JAZF1: variants seen among roughly 807,000 people sequenced by gnomAD.
JAZF1 encodes juxtaposed with another zinc finger protein 1.
JAZF1 carries 8 observed loss-of-function variants against 26.4 expected under a neutral mutation model. The observed-to-expected ratio is 0.30, with a 90% CI of 0.18 to 0.55. The LOEUF (loss-of-function observed/expected upper bound fraction) is 0.55, where lower values mean the gene tolerates loss of function less well. Among genes scored for constraint, JAZF1 ranks in the 20% least tolerant of loss-of-function variants. JAZF1 has a pLI of 0.94. For missense variants in JAZF1, 199 were observed against 322.0 expected, an observed-to-expected ratio of 0.62 and a Z score of 2.92; for synonymous variants, 126 against 122.3, an observed-to-expected ratio of 1.03 and a Z score of -0.20.
intron 1 of JAZF1, among the ~76,000 whole-genome samples, chr7:28,148,360 C>A (rs945943178): frequency 3.3e-5 from 5 of 152,096 alleles, no homozygotes; most frequent in Admixed American, 6.6e-5. Context: ...CGTGAGCCAC[C>A]GCGCCTGGCC....
chr7:28,049,072 CCTCTCT>C (rs1182638919), intron 1 of JAZF1, among the ~76,000 whole-genome samples: 215 of 113,602 alleles, frequency 1.9e-3, no homozygotes, highest in Middle Eastern at 0.015. Flanking sequence ...TCCCTCCCTT[CCTCTCT>C]CTCTCTCTCT....
chr7:27,864,958 C>T (rs1783449880), intron 3 of JAZF1, among the ~76,000 whole-genome samples: 1 of 152,112 alleles, frequency 6.6e-6, no homozygotes, highest in Non-Finnish European at 1.5e-5. Flanking sequence ...CCCAGAGTCT[C>T]GAATAGTGCT....
chr7:27,844,780 C>T (rs1235499663), intron 3 of JAZF1, among the ~76,000 whole-genome samples: 1 of 152,236 alleles, frequency 6.6e-6, no homozygotes, highest in Non-Finnish European at 1.5e-5. Flanking sequence ...TGCATGCCAG[C>T]TGGGGCTCCA....
At chr7:28,023,701 G>A (rs147713658) in intron 1 of JAZF1, among the ~76,000 whole-genome samples, 88 of 152,300 alleles carry the variant, frequency 5.8e-4, no homozygotes, top group African/African-American at 2.0e-3. Flanking sequence ...TGGGCTAGGC[G>A]CTAAGGCAAA....
chr7:27,973,480 G>T (rs2128360274), intron 2 of JAZF1, among the ~76,000 whole-genome samples: 1 of 152,094 alleles, frequency 6.6e-6, no homozygotes, highest in East Asian at 1.9e-4. Flanking sequence ...AAATTTTTTT[G>T]AAGAGATGGG....
chr7:28,089,503 G>C (rs990399272), intron 1 of JAZF1, among the ~76,000 whole-genome samples: 3 of 152,170 alleles, frequency 2.0e-5, no homozygotes, highest in African/African-American at 7.2e-5. Flanking sequence ...AAATATGTGG[G>C]AGTGGCTTTG....
chr7:28,029,546 T>C (rs1480471322), intron 1 of JAZF1, among the ~76,000 whole-genome samples: 1 of 152,204 alleles, frequency 6.6e-6, no homozygotes, highest in Non-Finnish European at 1.5e-5. Flanking sequence ...TAAAAATGGC[T>C]ACAGAACTTG....
intron 1 of JAZF1, among the ~76,000 whole-genome samples, chr7:28,091,653 C>T (rs1487487573): frequency 2.0e-5 from 3 of 149,878 alleles, no homozygotes; most frequent in Non-Finnish European, 1.5e-5. Flanking sequence ...CACAGACACA[C>T]ACATATATAT....
chr7:27,931,796 A>C (rs908393878), intron 2 of JAZF1, among the ~76,000 whole-genome samples: 6 of 152,010 alleles, frequency 3.9e-5, no homozygotes, highest in African/African-American at 1.4e-4. Context: ...ACGTGCTGGA[A>C]CCTGGGAGAA....
chr7:28,001,506 A>G (rs1786161736), intron 1 of JAZF1, among the ~76,000 whole-genome samples: 1 of 152,246 alleles, frequency 6.6e-6, no homozygotes, highest in Non-Finnish European at 1.5e-5. Context: ...AACTTCTTGA[A>G]AGAAAAATTT....
intron 3 of JAZF1, among the ~76,000 whole-genome samples, chr7:27,851,465 G>A (rs1783149352): frequency 6.6e-6 from 1 of 152,096 alleles, no homozygotes; most frequent in African/African-American, 2.4e-5. Flanking sequence ...CCTGGGCAAT[G>A]TAGTGGCACC....
chr7:28,041,054 T>C (rs564838547), intron 1 of JAZF1, among the ~76,000 whole-genome samples: 2 of 152,126 alleles, frequency 1.3e-5, no homozygotes, highest in African/African-American at 2.4e-5. Context: ...CTTTCAGAAA[T>C]GCATATAAAT....
intron 3 of JAZF1, among the ~76,000 whole-genome samples, chr7:27,865,390 A>G (rs1279388609): frequency 2.6e-5 from 4 of 152,104 alleles, no homozygotes; most frequent in African/African-American, 9.7e-5. Context: ...AACAATGACA[A>G]AAGAGATGTG....
intron 2 of JAZF1, among the ~76,000 whole-genome samples, chr7:27,959,042 T>C (rs917270392): frequency 6.6e-6 from 1 of 152,230 alleles, no homozygotes; most frequent in Non-Finnish European, 1.5e-5. Flanking sequence ...AGCAATCATT[T>C]GAGGAAATGC....
chr7:27,837,299 C>T (rs1444777987), intron 4 of JAZF1, among the ~76,000 whole-genome samples: 1 of 152,248 alleles, frequency 6.6e-6, no homozygotes, highest in Non-Finnish European at 1.5e-5. Context: ...TCTCTGTTCC[C>T]TGAATTCAGG....
chr7:27,903,015 TAAAAAAA>T (rs60212939), intron 2 of JAZF1, among the ~76,000 whole-genome samples: 2 of 98,952 alleles, frequency 2.0e-5, no homozygotes, highest in Non-Finnish European at 4.0e-5. Flanking sequence ...GACTCCGTCT[TAAAAAAA>T]AAAAAAAAAA....
At chr7:28,119,039 G>T (rs1784795612) in intron 1 of JAZF1, among the ~76,000 whole-genome samples, 1 of 152,170 alleles carries the variant, frequency 6.6e-6, no homozygotes, top group Non-Finnish European at 1.5e-5. Context: ...TGGCTCCTAA[G>T]ACCTCTGTGC....
At chr7:28,055,986 T>C (rs1783700071) in intron 1 of JAZF1, among the ~76,000 whole-genome samples, 2 of 152,178 alleles carry the variant, frequency 1.3e-5, no homozygotes, top group Non-Finnish European at 2.9e-5. Flanking sequence ...ATGGTGCTTA[T>C]CTTCTGCCTG....
At chr7:28,011,783 C>T (rs9691786) in intron 1 of JAZF1, among the ~76,000 whole-genome samples, 75,543 of 152,020 alleles carry the variant, frequency 0.5, 21,522 homozygotes, top group Non-Finnish European at 0.66. Context: ...TCCAGCCTCT[C>T]TCTCCAGCCC....
Sources: gnomAD v4.1 joint callset for allele counts (sites outside exome capture counted in the v4.1 genomes callset) on GRCh38, gnomAD v4.1.1 for gene constraint, MANE v1.5 for transcripts, NCBI Gene and HGNC (gene_info 2026-07-23, HGNC 2026-07-21) for gene names.